Variants in ACVR2B observed in about 807,000 individuals in gnomAD.
ACVR2B encodes the protein activin A receptor type 2B.
ACVR2B carries 18 observed loss-of-function variants against 65.1 expected under a neutral mutation model. The ratio of observed to expected loss-of-function variants is 0.28; its 90% CI spans 0.19 to 0.41. The LOEUF is 0.41. ACVR2B is among the 10% of genes least tolerant of loss of function. The pLI is 1.00. For missense variants in ACVR2B, 482 were observed against 682.7 expected, an observed-to-expected ratio of 0.71 and a Z score of 3.28; for synonymous variants, 298 against 277.7, an observed-to-expected ratio of 1.07 and a Z score of -0.73.
At chr3:38,454,564 C>T in intron 1 of ACVR2B, 190 bp downstream of exon 1, 1 of 425,380 alleles carries the variant, frequency 2.4e-6, no homozygotes, top group Non-Finnish European at 3.8e-6. Flanking sequence ...GGGGCACGAT[C>T]TTGTCTGTGC....
chr3:38,459,505 T>A, intron 1 of ACVR2B: 1 of 820,812 alleles, frequency 1.2e-6, no homozygotes. Context: ...TCTGCTCACC[T>A]GGGGGCCTCA....
chr3:38,479,000 G>A, intron 5 of ACVR2B, 128 bp from the exon 6 acceptor site: 2 of 1,247,906 alleles, frequency 1.6e-6, no homozygotes, highest in East Asian at 2.3e-5. Flanking sequence ...GGGAGGCTGG[G>A]GGGTGGGGAT....
Position 38,460,496 on chromosome 3 carries a change from C to T in ACVR2B, c.52+6122C>T, listed in dbSNP as rs567563856. ...TTCAAGGGTCAGCCATGTCTCTTCC[C>T]GGCCCAGGACCAATAATGGCTTCCC... On this transcript the variant is annotated intron_variant, in intron 1 of 10. Coordinates refer to ENST00000352511, the MANE Select transcript of ACVR2B (RefSeq NM_001106.4). Among the ~76,000 whole-genome samples, 5 of 152,354 alleles carry T rather than the reference C, an allele frequency of 3.3e-5. No individual in the cohort carries two copies. The South Asian group carries it at 6.2e-4, about 19-fold the overall frequency.
In ACVR2B at chr3:38,477,645, C is replaced by T; in HGVS notation, c.260+151C>T. ...GCCATGGCCCCACGCCCTTCCACAC[C>T]CTATTTGTCCTACCTTAGCCCTGAG... On this transcript the variant is annotated intron_variant, in intron 2 of 10. Coordinates refer to ENST00000352511, the MANE Select transcript of ACVR2B (RefSeq NM_001106.4). This position sits in a 1 kb window ranked among gnomAD's most constrained non-coding sequence, Gnocchi z 6.7. The T allele has an allele frequency of 2.7e-6, 3 of 1,111,318 alleles. No individual in the cohort carries two copies. Among genetic ancestry groups the T allele is most frequent in the Non-Finnish European group, 2.7e-6 (2 of 744,272 alleles). 68.8% of individuals were successfully genotyped at this position (1,111,318 alleles called of 1,614,324 possible).
At chr3:38,471,334 A>C (rs1338608475) in intron 1 of ACVR2B, among the ~76,000 whole-genome samples, 6 of 152,264 alleles carry the variant, frequency 3.9e-5, no homozygotes, top group Admixed American at 3.9e-4. Flanking sequence ...AGGGAAATGC[A>C]GATCCAAATT....
intron 1 of ACVR2B, among the ~76,000 whole-genome samples, chr3:38,461,803 C>T (rs1261474850): frequency 2.0e-5 from 3 of 152,116 alleles, no homozygotes; most frequent in Non-Finnish European, 4.4e-5. Flanking sequence ...CTTCTGTTCC[C>T]CATCCGAGGC....
At chr3:38,464,860 C>G (rs1709703727) in intron 1 of ACVR2B, among the ~76,000 whole-genome samples, 1 of 151,834 alleles carries the variant, frequency 6.6e-6, no homozygotes, top group Admixed American at 6.6e-5. Flanking sequence ...GAGTTCAAGA[C>G]CAGCCTGGAC....
rs1204457882 is a variant in ACVR2B, at chr3:38,486,819, T to A, written c.*3487T>A. ...TGATAACTGAGAAGTCATCCCTAGT[T>A]GGAGAAATCCAGTAATGAGCAGAAG... On this transcript the variant is annotated 3_prime_UTR_variant, in exon 11 of 11. Transcript: ENST00000352511. 1 of 152,290 alleles carries A rather than the reference T, an allele frequency of 6.6e-6. No homozygotes were observed. The highest frequency in any genetic ancestry group is 2.4e-5 in the African/African-American group (1 of 41,452). 9.4% of individuals were successfully genotyped at this position (152,290 alleles called of 1,614,324 possible).
In ACVR2B at chr3:38,459,512, C is replaced by T. The variant is rs528653731; in HGVS notation, c.52+5138C>T. ...AGCCCCTCTCTGCTCACCTGGGGGC[C>T]TCAGGAGCTAAGGCTAGCCCTGTCT... is the stretch of plus-strand genomic sequence containing the variant. On this transcript the variant is annotated intron_variant, in intron 1 of 10. Transcript: ENST00000352511. 71 of 891,636 alleles carry T rather than the reference C, an allele frequency of 8.0e-5. 1 individual carries two copies. The South Asian group carries it at 3.3e-3, about 41-fold the overall frequency. 55.2% of individuals were successfully genotyped at this position (891,636 alleles called of 1,614,324 possible).
chr3:38,477,078 T>TG lies in ACVR2B; in HGVS notation c.53-204dup. 1 of 610,194 alleles carries TG rather than the reference T, an allele frequency of 1.6e-6. No individual in the cohort carries two copies. The highest frequency in any genetic ancestry group is 2.8e-5 in the East Asian group (1 of 36,184). The allele number at this position is 610,194 out of a possible 1,614,324, so 37.8% of individuals were successfully genotyped here. The stretch of plus-strand genomic sequence containing the variant: ...AGCTGTGATGGGCTGCAGAATGAGG[T>TG]GGGGGCTGGTGCCAGCTGGCACACG... On this transcript the variant is annotated intron_variant, in intron 1 of 10. Coordinates refer to ENST00000352511, the MANE Select transcript of ACVR2B (RefSeq NM_001106.4). This position sits in a 1 kb window ranked among gnomAD's most constrained non-coding sequence, Gnocchi z 6.7.
At chr3:38,479,928 A>C in intron 7 of ACVR2B, 102 bp downstream of exon 7, 1 of 1,440,444 alleles carries the variant, frequency 6.9e-7, no homozygotes, top group East Asian at 2.5e-5. Context: ...TCCTAAACAT[A>C]CTTACCCTGC....
rs750424390 is a variant in ACVR2B at position 38,479,840 on chromosome 3, C to T, written c.959+14C>T. ...TATTGCCCACAGGTACCTGGGTCAG[C>T]AGGTGCCTTTCCTGCACTTGACCTG... On this transcript the variant is annotated intron_variant, in intron 7 of 10. Coordinates refer to ENST00000352511, the MANE Select transcript of ACVR2B (RefSeq NM_001106.4). 8.2e-5 allele frequency: 132 copies of T among 1,613,252 alleles called. 1 individual carries two copies. Among genetic ancestry groups the T allele is most frequent in the Middle Eastern group, 1.6e-4 (1 of 6,082 alleles).
chr3:38,462,832 A>G (rs1042186337), intron 1 of ACVR2B, among the ~76,000 whole-genome samples: 2 of 152,328 alleles, frequency 1.3e-5, no homozygotes, highest in Non-Finnish European at 2.9e-5. Context: ...ATTGGTTTTA[A>G]TAGATACTGA....
intron 1 of ACVR2B, among the ~76,000 whole-genome samples, chr3:38,468,419 T>C (rs1709766852): frequency 1.3e-5 from 2 of 152,202 alleles, no homozygotes; most frequent in Non-Finnish European, 2.9e-5. Context: ...TATTGTTCTG[T>C]ATTCCTCCTG....
chr3:38,474,961 G>C (rs1464565356), intron 1 of ACVR2B: 1 of 152,366 alleles, frequency 6.6e-6, no homozygotes, highest in Admixed American at 6.5e-5. Flanking sequence ...GAAGGTAGGG[G>C]AGTGCCCAGC....
rs71085325 is a variant in ACVR2B at position 38,465,397 on chromosome 3, C to CAAAA, written c.52+11041_52+11044dup. Reference sequence around the variant, plus strand: ...TGGGTGACAGAATGAGATTCCATCTCAAAAAAAAAAAAAAAAAAAAATAGC... The same window carrying CAAAA: ...TGGGTGACAGAATGAGATTCCATCTCAAAAAAAAAAAAAAAAAAAAAAAAATAGC... On this transcript the variant is annotated intron_variant, in intron 1 of 10. Coordinates refer to ENST00000352511, the MANE Select transcript of ACVR2B (RefSeq NM_001106.4). Among the ~76,000 whole-genome samples, 65 of 90,158 alleles carry CAAAA rather than the reference C, an allele frequency of 7.2e-4. 1 individual carries two copies. The highest frequency in any genetic ancestry group is 2.0e-3 in the East Asian group (6 of 3,008). The allele number at this position is 90,158 out of a possible 152,430, so 59.1% of individuals were successfully genotyped here.
chr3:38,466,507 C>CT (rs71085326), intron 1 of ACVR2B, among the ~76,000 whole-genome samples: 17,018 of 143,742 alleles, frequency 0.12, 1,671 homozygotes, highest in East Asian at 0.36. Flanking sequence ...ACCAAAACTT[C>CT]TTTTTTTTTT....
chr3:38,483,408 A>G lies in ACVR2B; in HGVS notation c.*76A>G. On this transcript the variant is annotated 3_prime_UTR_variant, in exon 11 of 11. Transcript: ENST00000352511. This position sits in a 1 kb window ranked among gnomAD's most constrained non-coding sequence, Gnocchi z 4.8. ...AAAAAAAGTTGTGTTTTGTTTTGGAAATCCCATAAAACCAACAAACACATA... is the reference window on the plus strand; with the variant it reads ...AAAAAAAGTTGTGTTTTGTTTTGGAGATCCCATAAAACCAACAAACACATA... The G allele has an allele frequency of 6.7e-7, 1 of 1,492,596 alleles. No homozygotes were observed. Among genetic ancestry groups the G allele is most frequent in the Non-Finnish European group, 9.3e-7 (1 of 1,075,306 alleles). The allele number at this position is 1,492,596 out of a possible 1,614,324, so 92.5% of individuals were successfully genotyped here.
rs762123820 is a variant in ACVR2B, at chr3:38,485,166, T to G, written c.*1834T>G. The G allele has an allele frequency of 2.0e-5, 3 of 152,224 alleles. No homozygotes were observed. Among genetic ancestry groups the G allele is most frequent in the African/African-American group, 7.2e-5 (3 of 41,456 alleles). 9.4% of individuals were successfully genotyped at this position (152,224 alleles called of 1,614,324 possible). On this transcript the variant is annotated 3_prime_UTR_variant, in exon 11 of 11. Coordinates refer to ENST00000352511, the MANE Select transcript of ACVR2B (RefSeq NM_001106.4). ...CTGGGTGAGAACTGAAGAGGCCGCC[T>G]CCTCTTGGGTTGTTTGGAGCTTCAC...
Sources: gnomAD v4.1 joint callset for allele counts (sites outside exome capture counted in the v4.1 genomes callset) on GRCh38, gnomAD v4.1.1 for gene constraint, Gnocchi (gnomAD v3.1) non-coding constraint, MANE v1.5 for transcripts, NCBI Gene and HGNC (gene_info 2026-07-23, HGNC 2026-07-21) for gene names.